Variants in SUFU observed in about 807,000 individuals in gnomAD.
SUFU encodes the protein SUFU negative regulator of hedgehog signaling.
SUFU carries 7 observed loss-of-function variants against 58.9 expected under a neutral mutation model. The observed-to-expected ratio is 0.12, with a 90% CI of 0.07 to 0.22. The LOEUF (loss-of-function observed/expected upper bound fraction) is 0.22, where lower values mean the gene tolerates loss of function less well. Ranked by LOEUF, SUFU falls within the 10% of genes least tolerant of loss-of-function variation. The pLI is 1.00. For synonymous variants in SUFU, 232 were observed against 254.8 expected, an observed-to-expected ratio of 0.91 and a Z score of 0.85; for missense variants, 451 against 641.3, an observed-to-expected ratio of 0.70 and a Z score of 3.20.
chr10:102,553,718 C>T (rs1434313311), intron 3 of SUFU, among the ~76,000 whole-genome samples: 1 of 152,198 alleles, frequency 6.6e-6, no homozygotes. Flanking sequence ...CCGCCTCAGC[C>T]TCCCAAAGTG....
At chr10:102,584,722 G>C (rs892529488) in intron 3 of SUFU, among the ~76,000 whole-genome samples, 8 of 152,028 alleles carry the variant, frequency 5.3e-5, no homozygotes, top group African/African-American at 1.9e-4. Flanking sequence ...CCTTTTCAGA[G>C]TAAGTTTGTT....
intron 4 of SUFU, among the ~76,000 whole-genome samples, chr10:102,593,155 C>T (rs78837000): frequency 0.015 from 2,330 of 152,276 alleles, 28 homozygotes; most frequent in Non-Finnish European, 0.025. Context: ...TTGATATTTA[C>T]ACAAAGGCCT....
intron 1 of SUFU, among the ~76,000 whole-genome samples, chr10:102,506,044 A>G (rs1005221036): frequency 2.8e-5 from 4 of 143,784 alleles, no homozygotes; most frequent in Non-Finnish European, 6.0e-5. Context: ...TATTTGAAAA[A>G]AAAAAAAAAA....
At chr10:102,515,073 A>G (rs537645550) in intron 2 of SUFU, among the ~76,000 whole-genome samples, 1 of 152,346 alleles carries the variant, frequency 6.6e-6, no homozygotes, top group South Asian at 2.1e-4. Context: ...AGTTTGGAGC[A>G]GTTCTGCACC....
chr10:102,599,277 C>T (rs1217580827), intron 7 of SUFU, among the ~76,000 whole-genome samples, 156 bp from the exon 8 acceptor site: 3 of 152,236 alleles, frequency 2.0e-5, no homozygotes, highest in Non-Finnish European at 4.4e-5. Flanking sequence ...GCAATCTGTA[C>T]TCACTCAGCG....
intron 8 of SUFU, among the ~76,000 whole-genome samples, chr10:102,609,612 C>T (rs1024995938): frequency 6.6e-5 from 10 of 152,194 alleles, no homozygotes; most frequent in Non-Finnish European, 1.5e-4. Flanking sequence ...AGAGAGAAAG[C>T]AAAATTTGCT....
At chr10:102,506,818 C>T (rs975610501) in intron 1 of SUFU, among the ~76,000 whole-genome samples, 2 of 152,098 alleles carry the variant, frequency 1.3e-5, no homozygotes, top group Non-Finnish European at 2.9e-5. Context: ...TGTCTGTGGC[C>T]CAGGGTAGCT....
intron 8 of SUFU, among the ~76,000 whole-genome samples, chr10:102,601,341 A>G (rs2063513531): frequency 1.3e-5 from 2 of 152,078 alleles, no homozygotes; most frequent in Admixed American, 1.3e-4. Context: ...CTACACCCTA[A>G]CTGGGCAGTC....
At chr10:102,546,807 T>G (rs2135735872) in intron 2 of SUFU, among the ~76,000 whole-genome samples, 1 of 152,364 alleles carries the variant, frequency 6.6e-6, no homozygotes, top group Middle Eastern at 3.4e-3. Flanking sequence ...GGTAATCAAA[T>G]GCAGGTGGAG....
At chr10:102,580,335 A>AT (rs1169817078) in intron 3 of SUFU, among the ~76,000 whole-genome samples, 4 of 151,480 alleles carry the variant, frequency 2.6e-5, no homozygotes, top group East Asian at 1.9e-4. Flanking sequence ...GGATGTGTTT[A>AT]TTTTTTTTGC....
At chr10:102,611,191 A>G (rs2063618730) in intron 8 of SUFU, among the ~76,000 whole-genome samples, 1 of 152,240 alleles carries the variant, frequency 6.6e-6, no homozygotes, top group Non-Finnish European at 1.5e-5. Flanking sequence ...AGTTAGAGCC[A>G]CAGATAGTAG....
chr10:102,609,769 G>C (rs2135914972), intron 8 of SUFU, among the ~76,000 whole-genome samples: 1 of 152,340 alleles, frequency 6.6e-6, no homozygotes, highest in East Asian at 1.9e-4. Flanking sequence ...TGGCAGGCGA[G>C]AGTCATGAAG....
chr10:102,563,888 G>A (rs961687436), intron 3 of SUFU, among the ~76,000 whole-genome samples: 28 of 152,166 alleles, frequency 1.8e-4, no homozygotes, highest in African/African-American at 6.7e-4. Flanking sequence ...CAGTTGGAGC[G>A]CAGCCCTCAG....
chr10:102,611,276 G>A (rs896031892), intron 8 of SUFU, among the ~76,000 whole-genome samples: 3 of 152,320 alleles, frequency 2.0e-5, no homozygotes, highest in Non-Finnish European at 2.9e-5. Flanking sequence ...GATTCAGCTC[G>A]CTCTGGGCAA....
intron 2 of SUFU, among the ~76,000 whole-genome samples, chr10:102,536,008 G>A (rs1431886906): frequency 2.0e-5 from 3 of 151,936 alleles, no homozygotes; most frequent in African/African-American, 4.8e-5. Context: ...GCTCTGTCTC[G>A]CTTCGGTTAG....
intron 2 of SUFU, among the ~76,000 whole-genome samples, chr10:102,543,891 A>C (rs1348308088): frequency 6.6e-6 from 1 of 152,246 alleles, no homozygotes; most frequent in East Asian, 1.9e-4. Flanking sequence ...GACACACAGA[A>C]GAGGTTAAAT....
intron 8 of SUFU, among the ~76,000 whole-genome samples, chr10:102,600,825 G>C (rs2063508845): frequency 6.6e-6 from 1 of 152,136 alleles, no homozygotes; most frequent in Admixed American, 6.5e-5. Context: ...CAAAAGCCTG[G>C]AGAAGCCTCC....
chr10:102,601,142 G>A (rs1052738857), intron 8 of SUFU, among the ~76,000 whole-genome samples: 2 of 152,170 alleles, frequency 1.3e-5, no homozygotes, highest in Admixed American at 6.5e-5. Context: ...CTGGAAGCCT[G>A]GGGTTTCTAG....
chr10:102,625,553 T>TG lies in SUFU; in HGVS notation c.1297-1621dup, dbSNP rs2063778067. 6.6e-6 allele frequency among the ~76,000 whole-genome samples: 1 copy of TG among 151,888 alleles called. No homozygotes were observed. Among genetic ancestry groups the TG allele is most frequent in the Non-Finnish European group, 1.5e-5 (1 of 67,976 alleles). ...AATGGATGAGTTAGTGTCCTGGGGG[T>TG]GAGAGTTCAGCATTCGGGAGCAGTA... On this transcript the variant is annotated intron_variant, in intron 10 of 11. Coordinates refer to ENST00000369902, the MANE Select transcript of SUFU (RefSeq NM_016169.4). This position sits in a 1 kb window ranked among gnomAD's most constrained non-coding sequence, Gnocchi z 4.7.
Sources: gnomAD v4.1 joint callset for allele counts (sites outside exome capture counted in the v4.1 genomes callset) on GRCh38, gnomAD v4.1.1 for gene constraint, Gnocchi (gnomAD v3.1) non-coding constraint, MANE v1.5 for transcripts, NCBI Gene and HGNC (gene_info 2026-07-23, HGNC 2026-07-21) for gene names.